The following SCARF1 variants were observed in gnomAD, a reference collection of about 807,000 sequenced individuals.
The protein encoded by SCARF1 is scavenger receptor class F member 1.
A neutral mutation model predicts 76.3 loss-of-function variants in SCARF1; 49 were observed. The observed-to-expected ratio is 0.64, with a 90% confidence interval of 0.51 to 0.81. The LOEUF is 0.81. Ranked by LOEUF, SCARF1 falls within the 40% of genes least tolerant of loss-of-function variation. The pLI is 0.00. For missense variants in SCARF1, 1,098 were observed against 1,143.9 expected, an observed-to-expected ratio of 0.96 and a Z score of 0.58; for synonymous variants, 495 against 474.6, an observed-to-expected ratio of 1.04 and a Z score of -0.56.
At chr17:1,639,801 G>C (rs1909882861) in intron 6 of SCARF1, 59 bp from the exon 7 acceptor site, 1 of 1,606,660 alleles carries the variant, frequency 6.2e-7, no homozygotes, top group Admixed American at 1.7e-5. Context: ...AGGCAGGCAG[G>C]AGACGGGCAG....
Position 1,634,406 on chromosome 17 carries a change from T to A in SCARF1, c.*352A>T. ...TCTGTCTCAAAAAAAAAAAAAAAAA[T>A]TTGTTTAGCCAATCTTTTATCAGCA... On this transcript the variant is annotated 3_prime_UTR_variant, in exon 11 of 11. Transcript: ENST00000263071. 2 of 388,698 alleles carry A rather than the reference T, an allele frequency of 5.1e-6. No homozygotes were observed. Among genetic ancestry groups the A allele is most frequent in the Non-Finnish European group, 9.0e-6 (2 of 221,312 alleles). The allele number at this position is 388,698 out of a possible 1,614,324, so 24.1% of individuals were successfully genotyped here. A position where few individuals can be genotyped will look rare whatever the true frequency, so the allele number is the denominator to read the frequency against.
Position 1,633,981 on chromosome 17 carries a change from AC to A in SCARF1, c.*776del, listed in dbSNP as rs1909298523. 1 of 152,194 alleles carries A rather than the reference AC, an allele frequency of 6.6e-6. No individual in the cohort carries two copies. The highest frequency in any genetic ancestry group is 2.4e-5 in the African/African-American group (1 of 41,452). The allele number at this position is 152,194 out of a possible 1,614,324, so 9.4% of individuals were successfully genotyped here. Reference sequence around the variant, plus strand: ...AATGTTCACTGTAGAAAATTTGCAAACTATACAAAAGTTTCAGAAGAAAATA... The same window carrying A: ...AATGTTCACTGTAGAAAATTTGCAAATATACAAAAGTTTCAGAAGAAAATA... On this transcript the variant is annotated 3_prime_UTR_variant, in exon 11 of 11. Coordinates refer to ENST00000263071, the MANE Select transcript of SCARF1 (RefSeq NM_003693.4).
rs778104207 is a variant in SCARF1, at chr17:1,635,344, G to A, written c.1907C>T (p.Thr636Ile). 2 of 1,613,138 alleles carry A rather than the reference G, an allele frequency of 1.2e-6. No individual in the cohort carries two copies. The highest frequency in any genetic ancestry group is 1.7e-6 in the Non-Finnish European group (2 of 1,179,582). ...GPEGREAEES[T>I]GPEEAEAPES... The stretch of plus-strand genomic sequence containing the variant: ...GGGGGCTTCTGCTTCCTCTGGGCCT[G>A]TGGACTCTTCGGCTTCCCGGCCCTC... The change falls in exon 11 of 11, where the codon ACA (threonine) becomes ATA (isoleucine). Residue 636 changes from threonine (T) to isoleucine (I), a missense_variant. Transcript: ENST00000263071.
rs760951767 is a variant in SCARF1 at position 1,635,087 on chromosome 17, C to T, written c.2164G>A (p.Ala722Thr). The T allele has an allele frequency of 3.2e-5, 52 of 1,613,878 alleles. No homozygotes were observed. The highest frequency in any genetic ancestry group is 4.2e-5 in the Non-Finnish European group (50 of 1,180,032). ...FGSFQKGQAEAKVKRAIPKPP... is the reference protein window; with the variant it reads ...FGSFQKGQAETKVKRAIPKPP... ...TTAGGGATGGCCCTCTTGACCTTGG[C>T]TTCCGCCTGGCCTTTCTGGAAGCTA... The change falls in exon 11 of 11, where the codon GCC becomes ACC. Residue 722 changes from alanine (A) to threonine (T), a missense_variant. Physicochemically the swap from Ala to Thr is moderately conservative, Grantham distance 58 (BLOSUM62 0). Coordinates refer to ENST00000263071, the MANE Select transcript of SCARF1 (RefSeq NM_003693.4).
intron 8 of SCARF1, among the ~76,000 whole-genome samples, chr17:1,637,379 C>T (rs1046519001): frequency 6.7e-6 from 1 of 149,040 alleles, no homozygotes; most frequent in African/African-American, 2.5e-5. Flanking sequence ...TATATCTATC[C>T]ATCTATCTAT....
Position 1,644,551 on chromosome 17 carries a change from C to G in SCARF1, c.265+283G>C. On this transcript the variant is annotated intron_variant, in intron 3 of 10. Coordinates refer to ENST00000263071, the MANE Select transcript of SCARF1 (RefSeq NM_003693.4). The surrounding 1 kb of genome is among the most constrained non-coding windows in gnomAD (Gnocchi z 4.8). ...ATATGTGGGAAAGGCAAGTAATACA[C>G]TCATTTTACAATGAAGGGGAATCAC... is the stretch of plus-strand genomic sequence containing the variant. The G allele has an allele frequency of 3.5e-6, 2 of 578,084 alleles. No homozygotes were observed. The highest frequency in any genetic ancestry group is 6.2e-6 in the Non-Finnish European group (2 of 323,054). 35.8% of individuals were successfully genotyped at this position (578,084 alleles called of 1,614,324 possible).
intron 8 of SCARF1, 60 bp downstream of exon 8, chr17:1,638,746 G>GC (rs1405315493): frequency 1.4e-6 from 2 of 1,434,352 alleles, no homozygotes; most frequent in Non-Finnish European, 9.3e-7. Context: ...GAAACCAGAT[G>GC]CCCCCCTGCT....
At chr17:1,639,890 C>T (rs771736832) in intron 6 of SCARF1, 22 bp downstream of exon 6, 8 of 1,611,520 alleles carry the variant, frequency 5.0e-6, no homozygotes, top group Middle Eastern at 1.6e-4. Context: ...CACTCTCCCG[C>T]CCCCGGGATC....
Position 1,638,896 on chromosome 17 carries a change from G to A in SCARF1, c.1274C>T (p.Ala425Val), listed in dbSNP as rs2272011. Residue 425 changes from alanine (A) to valine (V), a missense_variant, in exon 8 of 11, where the codon GCG (alanine) becomes GTG (valine). Ala to Val is a moderately conservative substitution (Grantham distance 64). Coordinates refer to ENST00000263071, the MANE Select transcript of SCARF1 (RefSeq NM_003693.4). ...CAGCAGCAGAGGCACAAGGCTGCCC[G>A]CGATGAGGGCAGTGTCCCGACTGCC... Reference protein sequence around the residue: ...GSGSRDTALIAGSLVPLLLLF... With the variant: ...GSGSRDTALIVGSLVPLLLLF... 981,314 of 1,605,952 alleles carry A rather than the reference G, an allele frequency of 0.61. 303,124 individuals carry two copies. Among genetic ancestry groups the A allele is most frequent in the East Asian group, 0.88 (39,222 of 44,614 alleles).
chr17:1,643,992 T>C, intron 3 of SCARF1, 25 bp from the exon 4 acceptor site: 3 of 1,303,236 alleles, frequency 2.3e-6, no homozygotes, highest in South Asian at 2.2e-5. Flanking sequence ...ACGGGAGGGG[T>C]CAGCGGGCTC....
At chr17:1,638,723 C>T in intron 8 of SCARF1, 83 bp downstream of exon 8, 2 of 1,438,432 alleles carry the variant, frequency 1.4e-6, no homozygotes, top group Non-Finnish European at 1.8e-6. Context: ...GCCAGCCCTC[C>T]CCACCCCACA....
chr17:1,637,170 G>C, intron 8 of SCARF1, 108 bp from the exon 9 acceptor site: 1 of 1,199,422 alleles, frequency 8.3e-7, no homozygotes, highest in East Asian at 2.4e-5. Context: ...TGGCTTCAGT[G>C]GCTCTCTATT....
chr17:1,640,139 C>T lies in SCARF1; in HGVS notation c.1011-99G>A. ...GCCCCACGCTCCTGGACTCAAGGAC[C>T]CAACTGGCCACTCCTCAGCAGTGAA... On this transcript the variant is annotated intron_variant, in intron 5 of 10. Coordinates refer to ENST00000263071, the MANE Select transcript of SCARF1 (RefSeq NM_003693.4). The surrounding 1 kb of genome is among the most constrained non-coding windows in gnomAD (Gnocchi z 4.7). 1 of 1,412,696 alleles carries T rather than the reference C, an allele frequency of 7.1e-7. No individual in the cohort carries two copies. The highest frequency in any genetic ancestry group is 9.6e-7 in the Non-Finnish European group (1 of 1,039,918). 87.5% of individuals were successfully genotyped at this position (1,412,696 alleles called of 1,614,324 possible).
chr17:1,640,264 G>C lies in SCARF1; in HGVS notation c.1010+184C>G. The stretch of plus-strand genomic sequence containing the variant: ...GGAGGGCAGGAAGCCTCAGAGGGGA[G>C]GGAGCTGGGATCCTGCCCAGGCCCC... On this transcript the variant is annotated intron_variant, in intron 5 of 10. Transcript: ENST00000263071. The surrounding 1 kb of genome is among the most constrained non-coding windows in gnomAD (Gnocchi z 4.7). 1.3e-6 allele frequency: 1 copy of C among 755,250 alleles called. No homozygotes were observed. The highest frequency in any genetic ancestry group is 2.1e-6 in the Non-Finnish European group (1 of 475,194). 46.8% of individuals were successfully genotyped at this position (755,250 alleles called of 1,614,324 possible). A position where few individuals can be genotyped will look rare whatever the true frequency, so the allele number is the denominator to read the frequency against.
At position 1,644,708 on chromosome 17, in the gene SCARF1, GT is replaced by G. The variant is rs1910373970; in HGVS notation, c.265+125del. 1 of 891,370 alleles carries G rather than the reference GT, an allele frequency of 1.1e-6. No homozygotes were observed. The highest frequency in any genetic ancestry group is 1.6e-5 in the African/African-American group (1 of 60,630). 55.2% of individuals were successfully genotyped at this position (891,370 alleles called of 1,614,324 possible). ...CCTGTCTCTGGACCGCAATTCCTCA[GT>G]GAAGCTGGGGGGGATTCTGGCCCTG... On this transcript the variant is annotated intron_variant, in intron 3 of 10. Coordinates refer to ENST00000263071, the MANE Select transcript of SCARF1 (RefSeq NM_003693.4). The surrounding 1 kb of genome is among the most constrained non-coding windows in gnomAD (Gnocchi z 4.8).
At chr17:1,643,994 A>T in intron 3 of SCARF1, 27 bp from the exon 4 acceptor site, 2 of 1,307,848 alleles carry the variant, frequency 1.5e-6, no homozygotes, top group Non-Finnish European at 1.9e-6. Flanking sequence ...GGGAGGGGTC[A>T]GCGGGCTCAG....
chr17:1,641,491 A>T (rs1910044467), intron 4 of SCARF1, among the ~76,000 whole-genome samples: 2 of 152,296 alleles, frequency 1.3e-5, no homozygotes, highest in South Asian at 4.1e-4. Flanking sequence ...CTGCCATGAA[A>T]CCAGTCCCTG....
intron 8 of SCARF1, among the ~76,000 whole-genome samples, chr17:1,637,431 A>G (rs1357518721): frequency 6.6e-6 from 1 of 151,304 alleles, no homozygotes; most frequent in Non-Finnish European, 1.5e-5. Context: ...GGTCTTTGTT[A>G]TTATCATCCT....
chr17:1,640,640 G>A lies in SCARF1; in HGVS notation c.818C>T (p.Pro273Leu), dbSNP rs139336621. The A allele has an allele frequency of 1.8e-3, 2,979 of 1,612,554 alleles. 9 individuals carry two copies. Among genetic ancestry groups the A allele is most frequent in the Non-Finnish European group, 1.8e-3 (2,156 of 1,179,670 alleles). Residue 273 changes from proline to leucine, a missense_variant, in exon 5 of 11, where the codon CCG becomes CTG. Transcript: ENST00000263071. This position sits in a 1 kb window ranked among gnomAD's most constrained non-coding sequence, Gnocchi z 4.7. Reference sequence around the variant, plus strand: ...ACAGCTGCCTGTGTCTGGAGAGCACGGCTCATTGTGTTTGCAGCGGCCACA... The same window carrying A: ...ACAGCTGCCTGTGTCTGGAGAGCACAGCTCATTGTGTTTGCAGCGGCCACA... ...HSCGRCKHNE[P>L]CSPDTGSCES...
Sources: gnomAD v4.1 joint callset for allele counts (sites outside exome capture counted in the v4.1 genomes callset) on GRCh38, gnomAD v4.1.1 for gene constraint, Gnocchi (gnomAD v3.1) non-coding constraint, MANE v1.5 for transcripts, NCBI Gene and HGNC (gene_info 2026-07-23, HGNC 2026-07-21) for gene names.